The following ROBO2 variants were observed in gnomAD, a reference collection of about 807,000 sequenced individuals.
ROBO2 encodes roundabout homolog 2.
ROBO2 carries 53 observed loss-of-function variants against 160.8 expected under a neutral mutation model. The ratio of observed to expected loss-of-function variants is 0.33; its 90% CI spans 0.26 to 0.41. The LOEUF (loss-of-function observed/expected upper bound fraction) is 0.41, where lower values mean the gene tolerates loss of function less well. ROBO2 is among the 10% of genes least tolerant of loss of function. The pLI is 1.00. For missense variants in ROBO2, 1,577 were observed against 1,722.4 expected, an observed-to-expected ratio of 0.92 and a Z score of 1.49; for synonymous variants, 664 against 611.7, an observed-to-expected ratio of 1.09 and a Z score of -1.26.
At chr3:77,493,352 A>T (rs1268433298) in exon 5 of ROBO2, 9 of 1,614,006 alleles carry the variant, frequency 5.6e-6, no homozygotes, top group Admixed American at 3.3e-5. Context: ...GTGAGGTGGA[A>T]AAAGGATGAT....
intron 2 of ROBO2, among the ~76,000 whole-genome samples, chr3:76,134,145 A>C (rs546682086): frequency 6.6e-6 from 1 of 152,242 alleles, no homozygotes; most frequent in South Asian, 2.1e-4. Flanking sequence ...TCAGACTTCA[A>C]CTGTTTCAGA....
chr3:76,756,945 A>G (rs2061009534), intron 2 of ROBO2, among the ~76,000 whole-genome samples: 1 of 151,894 alleles, frequency 6.6e-6, no homozygotes, highest in African/African-American at 2.4e-5. Context: ...TTAGTGATAA[A>G]TAGATAAGAG....
chr3:76,658,066 GAATAAATA>G (rs199659732), intron 2 of ROBO2, among the ~76,000 whole-genome samples: 44,040 of 131,368 alleles, frequency 0.34, 7,684 homozygotes, highest in South Asian at 0.46. Flanking sequence ...GATCCTGTCT[GAATAAATA>G]AATAAATAAA....
At chr3:77,373,173 TA>T (rs1199990503) in intron 2 of ROBO2, among the ~76,000 whole-genome samples, 1 of 147,324 alleles carries the variant, frequency 6.8e-6, no homozygotes, top group African/African-American at 2.5e-5. Flanking sequence ...TAAAATTATA[TA>T]AAATATTATA....
At chr3:77,616,806 G>A (rs1020685614) in intron 21 of ROBO2, among the ~76,000 whole-genome samples, 1 of 151,872 alleles carries the variant, frequency 6.6e-6, no homozygotes, top group African/African-American at 2.4e-5. Context: ...AAAAAAATAT[G>A]GTTTTAAAAT....
intron 2 of ROBO2, among the ~76,000 whole-genome samples, chr3:77,139,814 G>C (rs925387475): frequency 6.6e-6 from 1 of 152,106 alleles, no homozygotes; most frequent in Non-Finnish European, 1.5e-5. Flanking sequence ...TAGTCACTTT[G>C]CTTCCCCTCA....
chr3:76,295,254 C>T (rs1424771022), intron 2 of ROBO2, among the ~76,000 whole-genome samples: 1 of 151,954 alleles, frequency 6.6e-6, no homozygotes, highest in Non-Finnish European at 1.5e-5. Flanking sequence ...TGGGTGGATT[C>T]TTTTTGTCCT....
chr3:77,410,533 CCTCCTCTTCT>C (rs1560757060), intron 2 of ROBO2, among the ~76,000 whole-genome samples: 1 of 148,194 alleles, frequency 6.7e-6, no homozygotes, highest in East Asian at 2.0e-4. Context: ...TCCTCTTCCT[CCTCCTCTTCT>C]TCCTCCTCTT....
intron 2 of ROBO2, among the ~76,000 whole-genome samples, chr3:76,012,520 CCTA>C (rs2066223496): frequency 1.3e-5 from 2 of 152,194 alleles, no homozygotes; most frequent in East Asian, 1.9e-4. Context: ...GTATTGATGA[CCTA>C]CTGTATGCAA....
chr3:76,117,581 TCTTA>T (rs1181554602), intron 2 of ROBO2, among the ~76,000 whole-genome samples: 1 of 152,172 alleles, frequency 6.6e-6, no homozygotes, highest in Non-Finnish European at 1.5e-5. Context: ...TCACATCAGT[TCTTA>T]CTTCATGTGG....
At chr3:76,869,357 T>G (rs1489391512) in intron 2 of ROBO2, among the ~76,000 whole-genome samples, 4 of 139,912 alleles carry the variant, frequency 2.9e-5, no homozygotes, top group Admixed American at 7.1e-5. Flanking sequence ...TTTTTTTTTT[T>G]TTTTTTTTTT....
chr3:76,513,096 T>C (rs935550787), intron 2 of ROBO2, among the ~76,000 whole-genome samples: 14 of 152,118 alleles, frequency 9.2e-5, no homozygotes, highest in Admixed American at 6.5e-4. Flanking sequence ...CCTTAGAAAG[T>C]TGATCAAGGA....
At chr3:76,338,915 G>A (rs2074052997) in intron 2 of ROBO2, among the ~76,000 whole-genome samples, 1 of 151,914 alleles carries the variant, frequency 6.6e-6, no homozygotes, top group Non-Finnish European at 1.5e-5. Context: ...CAGAGCTTTT[G>A]ATGTTAGAGC....
At chr3:77,508,580 T>C (rs1416208579) in intron 5 of ROBO2, among the ~76,000 whole-genome samples, 1 of 151,672 alleles carries the variant, frequency 6.6e-6, no homozygotes, top group Non-Finnish European at 1.5e-5. Context: ...GGAACAATAA[T>C]GTCATTGTTA....
At chr3:77,316,223 A>G (rs1048047468) in intron 2 of ROBO2, among the ~76,000 whole-genome samples, 22 of 152,134 alleles carry the variant, frequency 1.4e-4, no homozygotes, top group African/African-American at 5.1e-4. Flanking sequence ...CTCCACCCCA[A>G]AATGGCACGG....
chr3:76,631,461 A>AATG (rs2090026067), intron 2 of ROBO2, among the ~76,000 whole-genome samples: 13 of 152,170 alleles, frequency 8.5e-5, no homozygotes, highest in Admixed American at 8.5e-4. Context: ...CCAAGGGCAT[A>AATG]GGGCATGGCA....
chr3:77,596,884 A>T, intron 19 of ROBO2, 134 bp downstream of exon 20: 1 of 1,047,478 alleles, frequency 9.5e-7, no homozygotes. Flanking sequence ...AAACATATGC[A>T]CTAACAGTGT....
At chr3:76,149,213 C>T (rs546128977) in intron 2 of ROBO2, among the ~76,000 whole-genome samples, 1 of 152,182 alleles carries the variant, frequency 6.6e-6, no homozygotes, top group South Asian at 2.1e-4. Flanking sequence ...CCACTTTCAC[C>T]AAATCTCTCC....
At chr3:75,933,823 G>A (rs1947647294) in intron 1 of ROBO2, among the ~76,000 whole-genome samples, 1 of 152,144 alleles carries the variant, frequency 6.6e-6, no homozygotes, top group African/African-American at 2.4e-5. Flanking sequence ...GATTGAAGTG[G>A]TTCTAATACC....
Sources: gnomAD v4.1 joint callset for allele counts (sites outside exome capture counted in the v4.1 genomes callset) on GRCh38, gnomAD v4.1.1 for gene constraint, MANE v1.5 for transcripts, NCBI Gene and HGNC (gene_info 2026-07-23, HGNC 2026-07-21) for gene names.